Variants in ESRRG observed in about 807,000 individuals in gnomAD.
ESRRG encodes the protein estrogen-related receptor gamma.
ESRRG carries 13 observed loss-of-function variants against 44.0 expected under a neutral mutation model. That is an observed-to-expected ratio of 0.30 (90% CI 0.19 to 0.47). The LOEUF (loss-of-function observed/expected upper bound fraction) is 0.47. Ranked by LOEUF, ESRRG falls within the 20% of genes least tolerant of loss-of-function variation. The pLI is 1.00. For missense variants in ESRRG, 395 were observed against 580.6 expected (o/e 0.68, Z 3.29); for synonymous variants, 215 against 214.6 (o/e 1.00, Z -0.02).
intron 2 of ESRRG, among the ~76,000 whole-genome samples, chr1:216,867,019 T>C (rs1186617961): frequency 2.0e-5 from 3 of 152,236 alleles, no homozygotes; most frequent in African/African-American, 7.2e-5. Flanking sequence ...ATATTTGGTT[T>C]TAAAAAATAA....
intron 1 of ESRRG, among the ~76,000 whole-genome samples, chr1:217,087,259 C>A (rs778407523): frequency 6.6e-6 from 1 of 152,206 alleles, no homozygotes; most frequent in Non-Finnish European, 1.5e-5. Flanking sequence ...TTCCTAGGAG[C>A]CCTTCAGCTG....
At chr1:216,518,581 C>T (rs2045109573) in intron 6 of ESRRG, among the ~76,000 whole-genome samples, 1 of 152,166 alleles carries the variant, frequency 6.6e-6, no homozygotes, top group South Asian at 2.1e-4. Context: ...ACGATTTTTA[C>T]TTATTAGAGG....
chr1:217,075,867 C>G (rs543240650), intron 1 of ESRRG, among the ~76,000 whole-genome samples: 1 of 152,232 alleles, frequency 6.6e-6, no homozygotes, highest in East Asian at 1.9e-4. Flanking sequence ...GGGGTTGATG[C>G]TTTTACATTT....
intron 1 of ESRRG, among the ~76,000 whole-genome samples, chr1:217,129,983 C>G (rs900753946): frequency 6.6e-6 from 1 of 151,984 alleles, no homozygotes; most frequent in African/African-American, 2.4e-5. Flanking sequence ...GTGAAGTTTA[C>G]CTCATTAAAA....
chr1:216,736,850 A>G (rs1017225845), intron 2 of ESRRG, among the ~76,000 whole-genome samples: 5 of 152,130 alleles, frequency 3.3e-5, no homozygotes, highest in Admixed American at 2.6e-4. Flanking sequence ...TCATTCTGGG[A>G]CATGCCAAGA....
intron 1 of ESRRG, among the ~76,000 whole-genome samples, chr1:216,943,537 G>A (rs982213399): frequency 6.6e-6 from 1 of 152,158 alleles, no homozygotes; most frequent in Non-Finnish European, 1.5e-5. Context: ...CATTCACCCA[G>A]CTGTCCTTGG....
At chr1:216,512,979 A>T (rs1572007007) in intron 6 of ESRRG, among the ~76,000 whole-genome samples, 3 of 152,302 alleles carry the variant, frequency 2.0e-5, no homozygotes, top group African/African-American at 7.2e-5. Context: ...AGGTCATGGA[A>T]ACGGATTCTT....
intron 1 of ESRRG, among the ~76,000 whole-genome samples, chr1:216,709,067 G>C (rs1330853033): frequency 6.6e-6 from 1 of 152,078 alleles, no homozygotes; most frequent in African/African-American, 2.4e-5. Flanking sequence ...GCCTGCAGGA[G>C]AGTGGGGGGC....
At chr1:216,898,900 G>T (rs1434828960) in intron 2 of ESRRG, among the ~76,000 whole-genome samples, 1 of 152,122 alleles carries the variant, frequency 6.6e-6, no homozygotes, top group Non-Finnish European at 1.5e-5. Context: ...CAGGTGGAAA[G>T]GAAATCTTAG....
At chr1:216,772,689 T>C (rs140433741) in intron 2 of ESRRG, among the ~76,000 whole-genome samples, 18 of 151,888 alleles carry the variant, frequency 1.2e-4, no homozygotes, top group Non-Finnish European at 2.5e-4. Flanking sequence ...GCATAGTGAG[T>C]TTTTTGTTTG....
At chr1:216,730,655 C>T (rs1286889209) in intron 2 of ESRRG, among the ~76,000 whole-genome samples, 1 of 152,122 alleles carries the variant, frequency 6.6e-6, no homozygotes, top group Admixed American at 6.5e-5. Context: ...ATGACCAATG[C>T]TATTACTCAG....
intron 2 of ESRRG, among the ~76,000 whole-genome samples, chr1:216,880,079 G>A (rs183050841): frequency 7.2e-5 from 11 of 151,748 alleles, no homozygotes; most frequent in African/African-American, 1.7e-4. Context: ...AGTTCGAGGC[G>A]GTTGGATCAT....
At chr1:216,698,338 A>G (rs2080638745) in intron 1 of ESRRG, among the ~76,000 whole-genome samples, 1 of 151,978 alleles carries the variant, frequency 6.6e-6, no homozygotes, top group Admixed American at 6.6e-5. Flanking sequence ...TAACATGGTG[A>G]AACCCTGTCT....
intron 1 of ESRRG, among the ~76,000 whole-genome samples, chr1:217,008,767 T>C (rs1242973849): frequency 7.2e-5 from 11 of 152,178 alleles, no homozygotes; most frequent in African/African-American, 2.4e-4. Flanking sequence ...GGTTTTGCAC[T>C]GTGATTGAGT....
intron 1 of ESRRG, among the ~76,000 whole-genome samples, chr1:216,690,426 T>C (rs953725157): frequency 2.7e-4 from 41 of 152,268 alleles, no homozygotes; most frequent in African/African-American, 9.9e-4. Flanking sequence ...AATTCTGTGA[T>C]GTTCCAGAAC....
intron 1 of ESRRG, among the ~76,000 whole-genome samples, chr1:217,048,695 C>G (rs2085344260): frequency 1.3e-5 from 2 of 152,136 alleles, no homozygotes; most frequent in Non-Finnish European, 2.9e-5. Context: ...TCTGGAGAGA[C>G]TAGGATATGA....
At chr1:216,887,915 G>A (rs929153667) in intron 2 of ESRRG, among the ~76,000 whole-genome samples, 2 of 152,148 alleles carry the variant, frequency 1.3e-5, no homozygotes, top group African/African-American at 4.8e-5. Context: ...CTAAATCTTA[G>A]ATGCAGTGAA....
chr1:216,852,003 A>G (rs796832231), intron 2 of ESRRG, among the ~76,000 whole-genome samples: 59 of 152,368 alleles, frequency 3.9e-4, no homozygotes, highest in African/African-American at 1.3e-3. Flanking sequence ...AGGGACAGTA[A>G]GAAAGAAAAG....
intron 1 of ESRRG, among the ~76,000 whole-genome samples, chr1:216,968,547 T>G (rs990529849): frequency 6.6e-6 from 1 of 152,132 alleles, no homozygotes; most frequent in African/African-American, 2.4e-5. Flanking sequence ...ACTGACTGTG[T>G]TTATGTGGTC....
Sources: gnomAD v4.1 joint callset for allele counts (sites outside exome capture counted in the v4.1 genomes callset) on GRCh38, gnomAD v4.1.1 for gene constraint, MANE v1.5 for transcripts, NCBI Gene and HGNC (gene_info 2026-07-23, HGNC 2026-07-21) for gene names.